PCSK5: variants seen among roughly 807,000 people sequenced by gnomAD.
PCSK5 encodes proprotein convertase subtilisin/kexin type 5.
Under a neutral mutation model 233.2 loss-of-function variants are expected in PCSK5, and 129 were observed. That is an observed-to-expected ratio of 0.55 (90% CI 0.48 to 0.64). The LOEUF (loss-of-function observed/expected upper bound fraction) is 0.64. Among genes scored for constraint, PCSK5 ranks in the 30% least tolerant of loss-of-function variants. PCSK5 has a pLI of 0.00. For missense variants in PCSK5, 2,076 were observed against 2,430.1 expected (o/e 0.85, Z 3.06); for synonymous variants, 825 against 879.2 (o/e 0.94, Z 1.09).
chr9:76,186,002 G>T (rs934874051), intron 17 of PCSK5, among the ~76,000 whole-genome samples: 1 of 152,072 alleles, frequency 6.6e-6, no homozygotes, highest in African/African-American at 2.4e-5. Context: ...AGTGCATGCC[G>T]GTAGAAACAT....
At position 75,900,143 on chromosome 9, in the gene PCSK5, C is replaced by A. The variant is rs1186679210; in HGVS notation, c.192+8770C>A. Among the ~76,000 whole-genome samples, 4 of 152,112 alleles carry A rather than the reference C, an allele frequency of 2.6e-5. No individual in the cohort carries two copies. The East Asian group carries it at 7.7e-4, about 29-fold the overall frequency. Reference sequence around the variant, plus strand: ...CCTTCATCTCTTTCTTGCCAATGTGCTGGAGTAGTTAGGATCATAGGTTTA... The same window carrying A: ...CCTTCATCTCTTTCTTGCCAATGTGATGGAGTAGTTAGGATCATAGGTTTA... On this transcript the variant is annotated intron_variant, in intron 1 of 37. Transcript: ENST00000674117.
At chr9:75,979,693 G>A (rs2153496) in intron 2 of PCSK5, among the ~76,000 whole-genome samples, 94,676 of 152,062 alleles carry the variant, frequency 0.62, 29,777 homozygotes, top group East Asian at 0.71. Context: ...CACATTGCCC[G>A]TAATATCTTC....
At chr9:76,197,162 C>A (rs1336789047) in intron 20 of PCSK5, among the ~76,000 whole-genome samples, 1 of 152,198 alleles carries the variant, frequency 6.6e-6, no homozygotes, top group Non-Finnish European at 1.5e-5. Flanking sequence ...TGGTTTTAAT[C>A]TAATTATCTA....
intron 20 of PCSK5, among the ~76,000 whole-genome samples, chr9:76,214,377 A>T (rs1425514727): frequency 6.6e-6 from 1 of 152,024 alleles, no homozygotes. Context: ...GGATATTGGA[A>T]GGGGGGTGCC....
intron 24 of PCSK5, among the ~76,000 whole-genome samples, chr9:76,282,001 C>T (rs1827882315): frequency 6.6e-6 from 1 of 151,438 alleles, no homozygotes; most frequent in Non-Finnish European, 1.5e-5. Flanking sequence ...GTAGAGATTC[C>T]TCTGATGTAT....
At chr9:76,230,995 A>G (rs1404163514) in intron 21 of PCSK5, among the ~76,000 whole-genome samples, 1 of 152,162 alleles carries the variant, frequency 6.6e-6, no homozygotes, top group Non-Finnish European at 1.5e-5. Flanking sequence ...CCCCATTTGT[A>G]GAAAAATTGC....
chr9:76,233,715 G>A, intron 22 of PCSK5, 119 bp downstream of exon 22: 3 of 870,940 alleles, frequency 3.4e-6, no homozygotes, highest in Non-Finnish European at 5.4e-6. Context: ...TCAGACAGCT[G>A]TTCACTGGAG....
chr9:76,279,548 G>A (rs1311977186), intron 24 of PCSK5, among the ~76,000 whole-genome samples: 28 of 152,026 alleles, frequency 1.8e-4, no homozygotes, highest in Admixed American at 8.5e-4. Flanking sequence ...AAATGTTCCT[G>A]TTTCTCCACA....
intron 5 of PCSK5, among the ~76,000 whole-genome samples, chr9:76,043,525 C>T (rs1267631670): frequency 1.3e-5 from 2 of 151,858 alleles, no homozygotes; most frequent in East Asian, 1.9e-4. Context: ...ATGAATTAAC[C>T]TTTGATTTGG....
At chr9:76,248,585 G>A (rs1826693516) in intron 24 of PCSK5, among the ~76,000 whole-genome samples, 1 of 152,094 alleles carries the variant, frequency 6.6e-6, no homozygotes, top group African/African-American at 2.4e-5. Context: ...CACACTGGGT[G>A]GAAAGTTGCT....
chr9:76,063,086 T>G (rs553425984), intron 5 of PCSK5, among the ~76,000 whole-genome samples: 1 of 152,202 alleles, frequency 6.6e-6, no homozygotes, highest in South Asian at 2.1e-4. Flanking sequence ...CTTAACATAA[T>G]GACCTCTGGT....
chr9:76,089,291 A>G (rs2131636929), intron 7 of PCSK5, among the ~76,000 whole-genome samples: 1 of 152,210 alleles, frequency 6.6e-6, no homozygotes, highest in East Asian at 1.9e-4. Flanking sequence ...TAAGTTGGGT[A>G]TTGAGGCGGT....
chr9:76,091,959 C>T (rs1296758886), intron 7 of PCSK5, among the ~76,000 whole-genome samples: 1 of 152,206 alleles, frequency 6.6e-6, no homozygotes, highest in Non-Finnish European at 1.5e-5. Context: ...CAGCAACCTA[C>T]TGTCCTCTCA....
intron 21 of PCSK5, among the ~76,000 whole-genome samples, chr9:76,228,131 G>C (rs978807180): frequency 7.2e-5 from 11 of 151,894 alleles, no homozygotes; most frequent in African/African-American, 2.2e-4. Context: ...CACCACGCCT[G>C]GCTAACTTTT....
rs748712140 is a variant in PCSK5, at chr9:76,323,188, C to T, written c.4239C>T (p.Cys1413=). The T allele has an allele frequency of 1.2e-5, 19 of 1,612,652 alleles. No individual in the cohort carries two copies. The highest frequency in any genetic ancestry group is 1.6e-4 in the Middle Eastern group (1 of 6,062). Residue 1413 remains cysteine (C), a synonymous_variant, in exon 32 of 38, where the codon TGC becomes TGT. Transcript: ENST00000674117. ...GCAGTGGCCCCAAAGCCGACGACTG[C>T]GAGCTCTGTCTTGAGAGTTCCTGGG... The part of the protein sequence containing the change: ...LECSGPKADD[C]ELCLESSWVL...
chr9:76,164,584 GTC>G (rs1304314025), intron 12 of PCSK5, among the ~76,000 whole-genome samples: 1 of 152,142 alleles, frequency 6.6e-6, no homozygotes, highest in Non-Finnish European at 1.5e-5. Context: ...AATTCTATCA[GTC>G]TGCGGTGAGG....
intron 5 of PCSK5, among the ~76,000 whole-genome samples, chr9:76,044,983 C>CA (rs1011736617): frequency 1.6e-4 from 25 of 152,102 alleles, no homozygotes; most frequent in Non-Finnish European, 2.9e-5. Context: ...AATCTTCTCG[C>CA]AAAAACAGAT....
chr9:76,161,416 C>T (rs1201572238), intron 12 of PCSK5, among the ~76,000 whole-genome samples: 1 of 151,080 alleles, frequency 6.6e-6, no homozygotes, highest in African/African-American at 2.4e-5. Flanking sequence ...CTGTGGTTAC[C>T]GAAGCTAGGG....
chr9:75,935,431 A>G (rs998670740), intron 2 of PCSK5, among the ~76,000 whole-genome samples: 4 of 152,212 alleles, frequency 2.6e-5, no homozygotes, highest in Non-Finnish European at 5.9e-5. Context: ...TTTGGGATCA[A>G]CTTACAGATA....
Sources: gnomAD v4.1 joint callset for allele counts (sites outside exome capture counted in the v4.1 genomes callset) on GRCh38, gnomAD v4.1.1 for gene constraint, MANE v1.5 for transcripts, NCBI Gene and HGNC (gene_info 2026-07-23, HGNC 2026-07-21) for gene names.